The following MTMR2 variants were observed in gnomAD, a reference collection of about 807,000 sequenced individuals.
MTMR2 encodes the protein myotubularin related protein 2.
MTMR2 carries 55 observed loss-of-function variants against 86.9 expected under a neutral mutation model. The observed-to-expected ratio is 0.63, with a 90% CI of 0.51 to 0.79. MTMR2 has a LOEUF of 0.79. MTMR2 is among the 30% of genes least tolerant of loss of function. The pLI is 0.00. For missense variants in MTMR2, 659 were observed against 772.3 expected, an observed-to-expected ratio of 0.85 and a Z score of 1.74; for synonymous variants, 241 against 266.8, an observed-to-expected ratio of 0.90 and a Z score of 0.94.
intron 1 of MTMR2, among the ~76,000 whole-genome samples, chr11:95,919,766 T>A (rs1866845773): frequency 6.6e-6 from 1 of 152,188 alleles, no homozygotes; most frequent in Non-Finnish European, 1.5e-5. Flanking sequence ...TCCTTTTTAA[T>A]CCTTTGAATG....
intron 7 of MTMR2, among the ~76,000 whole-genome samples, chr11:95,851,614 A>G (rs1292873538): frequency 1.3e-5 from 2 of 152,042 alleles, no homozygotes. Flanking sequence ...CGCCTGCCTC[A>G]GCCTCCCAAA....
intron 12 of MTMR2, among the ~76,000 whole-genome samples, 165 bp from the exon 13 acceptor site, chr11:95,838,372 A>C (rs1010631558): frequency 6.6e-6 from 1 of 152,010 alleles, no homozygotes; most frequent in Admixed American, 6.6e-5. Context: ...TCTTTTCAAA[A>C]ATCATGTTAT....
At chr11:95,900,450 T>G (rs1866030248) in intron 1 of MTMR2, among the ~76,000 whole-genome samples, 1 of 152,196 alleles carries the variant, frequency 6.6e-6, no homozygotes, top group Admixed American at 6.6e-5. Flanking sequence ...TTGGACTGAT[T>G]AATAAAATGA....
In MTMR2 at chr11:95,834,523, A is replaced by G. The variant is rs1240360831; in HGVS notation, c.*767T>C. 12 of 152,006 alleles carry G rather than the reference A, an allele frequency of 7.9e-5. No homozygotes were observed. The highest frequency in any genetic ancestry group is 2.4e-4 in the African/African-American group (10 of 41,396). The allele number at this position is 152,006 out of a possible 1,614,324, so 9.4% of individuals were successfully genotyped here. The stretch of plus-strand genomic sequence containing the variant: ...CAAGTGAAATACACTGTAGTAAATA[A>G]TTAGTTTTTAAAATATCTTTCATGA... On this transcript the variant is annotated 3_prime_UTR_variant, in exon 15 of 15. Transcript: ENST00000346299.
intron 13 of MTMR2, among the ~76,000 whole-genome samples, 156 bp from the exon 14 acceptor site, chr11:95,836,480 G>A (rs1320351230): frequency 6.6e-6 from 1 of 151,996 alleles, no homozygotes; most frequent in East Asian, 1.9e-4. Flanking sequence ...TAAGATCAGA[G>A]GGTACTGGAA....
intron 3 of MTMR2, 151 bp from the exon 4 acceptor site, chr11:95,862,517 CA>C: frequency 1.4e-6 from 1 of 691,400 alleles, no homozygotes; most frequent in South Asian, 1.7e-5. Flanking sequence ...TCCTACAACC[CA>C]AGCTTCCATC....
chr11:95,845,972 A>G (rs563709912), intron 10 of MTMR2, among the ~76,000 whole-genome samples: 1 of 151,778 alleles, frequency 6.6e-6, no homozygotes, highest in Non-Finnish European at 1.5e-5. Flanking sequence ...GTATAGTTCT[A>G]CATACGCAGA....
chr11:95,880,975 T>C (rs1383154129), intron 2 of MTMR2, among the ~76,000 whole-genome samples: 1 of 152,110 alleles, frequency 6.6e-6, no homozygotes, highest in Non-Finnish European at 1.5e-5. Flanking sequence ...TAAAAGTTAA[T>C]ACCTTAGAGT....
chr11:95,881,472 T>C (rs544002390), intron 2 of MTMR2, among the ~76,000 whole-genome samples: 38 of 91,958 alleles, frequency 4.1e-4, no homozygotes, highest in African/African-American at 3.0e-3. Context: ...CTCCAGACTA[T>C]TGATTTACCC....
chr11:95,855,705 A>G (rs890772544), intron 7 of MTMR2, among the ~76,000 whole-genome samples: 1 of 152,168 alleles, frequency 6.6e-6, no homozygotes, highest in Non-Finnish European at 1.5e-5. Flanking sequence ...TAATAAATAT[A>G]ATAATCATCA....
At chr11:95,837,615 T>C (rs565161831) in intron 13 of MTMR2, among the ~76,000 whole-genome samples, 1 of 152,164 alleles carries the variant, frequency 6.6e-6, no homozygotes, top group East Asian at 1.9e-4. Context: ...CTACATACTA[T>C]CTTTTCCGTA....
intron 2 of MTMR2, among the ~76,000 whole-genome samples, chr11:95,882,891 T>A (rs1180295749): frequency 3.3e-5 from 1 of 30,436 alleles, no homozygotes; most frequent in Admixed American, 2.8e-4. Flanking sequence ...TCCAGCTAAT[T>A]TTTTTTTTTT....
chr11:95,919,805 A>G (rs544244551), intron 1 of MTMR2, among the ~76,000 whole-genome samples: 1 of 152,330 alleles, frequency 6.6e-6, no homozygotes, highest in South Asian at 2.1e-4. Flanking sequence ...AGTGGTGAAC[A>G]TTCCGTCAAC....
chr11:95,850,992 C>T (rs1384763065), intron 7 of MTMR2, among the ~76,000 whole-genome samples: 1 of 150,766 alleles, frequency 6.6e-6, no homozygotes, highest in Non-Finnish European at 1.5e-5. Context: ...ACTAAATATT[C>T]AGTGTGGACC....
intron 1 of MTMR2, among the ~76,000 whole-genome samples, chr11:95,888,658 C>T (rs940761303): frequency 1.3e-5 from 2 of 152,040 alleles, no homozygotes; most frequent in African/African-American, 2.4e-5. Flanking sequence ...GCCTGTGACA[C>T]AGACAAGTAA....
chr11:95,838,690 G>A (rs1466388464), intron 12 of MTMR2, among the ~76,000 whole-genome samples: 1 of 151,938 alleles, frequency 6.6e-6, no homozygotes, highest in Non-Finnish European at 1.5e-5. Flanking sequence ...TGCGGCTTTT[G>A]CCATTGAAAT....
chr11:95,868,113 A>G (rs905613017), intron 2 of MTMR2, among the ~76,000 whole-genome samples: 8 of 151,760 alleles, frequency 5.3e-5, no homozygotes, highest in Non-Finnish European at 8.8e-5. Context: ...TATAAATGCA[A>G]AAAATCAGCT....
chr11:95,861,022 T>C (rs1215829749), intron 5 of MTMR2, among the ~76,000 whole-genome samples: 1 of 151,376 alleles, frequency 6.6e-6, no homozygotes, highest in Non-Finnish European at 1.5e-5. Context: ...TAGCTGGGCG[T>C]GGTGGTGGGC....
chr11:95,838,050 A>T (rs781248324), intron 13 of MTMR2, 44 bp downstream of exon 13: 1 of 1,181,932 alleles, frequency 8.5e-7, no homozygotes, highest in South Asian at 1.2e-5. Context: ...AGGGAAAAGT[A>T]TACAGTAGAG....
Sources: allele counts gnomAD v4.1 joint callset (sites outside exome capture counted in the v4.1 genomes callset), GRCh38; gene constraint gnomAD v4.1.1; transcripts MANE v1.5; gene names NCBI Gene and HGNC (gene_info 2026-07-23, HGNC 2026-07-21).